SLC44A5: variants seen among roughly 807,000 people sequenced by gnomAD.
The protein encoded by SLC44A5 is choline transporter-like protein 5.
SLC44A5 carries 57 observed loss-of-function variants against 101.8 expected under a neutral mutation model. That is an observed-to-expected ratio of 0.56 (90% CI 0.45 to 0.70). The LOEUF (loss-of-function observed/expected upper bound fraction) is 0.70. Ranked by LOEUF, SLC44A5 falls within the 30% of genes least tolerant of loss-of-function variation. The pLI is 0.00. For synonymous variants in SLC44A5, 281 were observed against 290.9 expected, an observed-to-expected ratio of 0.97 and a Z score of 0.35; for missense variants, 737 against 853.1, an observed-to-expected ratio of 0.86 and a Z score of 1.70.
the SLC44A5 span, among the ~76,000 whole-genome samples, chr1:75,673,314 C>A: frequency 6.6e-6 from 1 of 151,406 alleles, no homozygotes; most frequent in Admixed American, 6.6e-5. Flanking sequence ...GGTGTGATGA[C>A]CACAAGGAAA....
chr1:75,370,410 C>T (rs1445009629), intron 3 of SLC44A5, among the ~76,000 whole-genome samples: 2 of 152,176 alleles, frequency 1.3e-5, no homozygotes, highest in African/African-American at 4.8e-5. Flanking sequence ...CCTTGGGTAG[C>T]ATAGTGATCA....
the SLC44A5 span, among the ~76,000 whole-genome samples, chr1:75,670,024 C>T: frequency 1.3e-5 from 2 of 152,128 alleles, no homozygotes; most frequent in African/African-American, 4.8e-5. Flanking sequence ...TAGAATTAGA[C>T]ATAATCCCCA....
intron 2 of SLC44A5, among the ~76,000 whole-genome samples, chr1:75,398,048 C>T (rs1049112444): frequency 7.9e-5 from 12 of 152,124 alleles, no homozygotes; most frequent in African/African-American, 2.4e-4. Context: ...ATAGTATGTA[C>T]GTGCAAGGAT....
chr1:75,450,355 C>T (rs1665834680), intron 2 of SLC44A5, among the ~76,000 whole-genome samples: 1 of 152,206 alleles, frequency 6.6e-6, no homozygotes, highest in Non-Finnish European at 1.5e-5. Flanking sequence ...TTTTCCCAGA[C>T]CCAGGGTTGA....
chr1:75,241,534 G>A (rs904039837), intron 9 of SLC44A5, among the ~76,000 whole-genome samples: 44 of 151,882 alleles, frequency 2.9e-4, no homozygotes, highest in Non-Finnish European at 5.4e-4. Context: ...TTTGTCCACA[G>A]TATACAGTTC....
intron 3 of SLC44A5, among the ~76,000 whole-genome samples, chr1:75,389,952 T>C (rs1163549592): frequency 6.6e-6 from 1 of 151,810 alleles, no homozygotes; most frequent in African/African-American, 2.4e-5. Flanking sequence ...AGAGAGACAA[T>C]TCAAATGAGC....
chr1:75,365,581 C>T (rs1023994722), intron 3 of SLC44A5, among the ~76,000 whole-genome samples: 9 of 152,094 alleles, frequency 5.9e-5, no homozygotes, highest in African/African-American at 9.7e-5. Flanking sequence ...TAAAGACACA[C>T]GTATATTTAT....
the SLC44A5 span, among the ~76,000 whole-genome samples, chr1:75,696,722 C>T: frequency 1.2e-3 from 184 of 150,308 alleles, no homozygotes; most frequent in Middle Eastern, 3.4e-3. Context: ...GGTGAAACCC[C>T]GTCTCTACTA....
chr1:75,494,170 G>A (rs1209740074), intron 2 of SLC44A5, among the ~76,000 whole-genome samples: 2 of 152,146 alleles, frequency 1.3e-5, no homozygotes, highest in African/African-American at 4.8e-5. Flanking sequence ...GCCATGTGGT[G>A]ACACAGCAGG....
intron 2 of SLC44A5, among the ~76,000 whole-genome samples, chr1:75,411,736 T>G (rs559319263): frequency 6.6e-6 from 1 of 151,980 alleles, no homozygotes; most frequent in East Asian, 1.9e-4. Context: ...AAAATATATA[T>G]AGGGACAGAT....
At chr1:75,203,973 A>G in intron 23 of SLC44A5, 140 bp from the exon 24 acceptor site, 2 of 1,061,846 alleles carry the variant, frequency 1.9e-6, no homozygotes, top group East Asian at 2.9e-5. Context: ...TAAACAGCAT[A>G]GTTTGGCATC....
chr1:75,716,937 G>A, the SLC44A5 span, among the ~76,000 whole-genome samples: 1 of 152,022 alleles, frequency 6.6e-6, no homozygotes, highest in Non-Finnish European at 1.5e-5. Context: ...GGGAGGCTGA[G>A]GCAGGAGAAT....
chr1:75,574,725 G>GTC (rs1300460397), intron 1 of SLC44A5, among the ~76,000 whole-genome samples: 1 of 152,046 alleles, frequency 6.6e-6, no homozygotes, highest in Non-Finnish European at 1.5e-5. Flanking sequence ...CCTCTCTTTG[G>GTC]TCCAGTCATT....
At chr1:75,577,669 G>A (rs1482643435) in intron 1 of SLC44A5, among the ~76,000 whole-genome samples, 1 of 152,082 alleles carries the variant, frequency 6.6e-6, no homozygotes, top group East Asian at 1.9e-4. Flanking sequence ...CACACTATAT[G>A]TTTTATTTAT....
rs1383611251 is a variant in SLC44A5 at position 75,378,991 on chromosome 1, T to C, written c.52+17592A>G. Among the ~76,000 whole-genome samples the C allele has an allele frequency of 1.0e-4, 8 of 79,798 alleles. 4 individuals are homozygous for C. Among genetic ancestry groups the C allele is most frequent in the African/African-American group, 5.2e-4 (6 of 11,512 alleles). 52.4% of individuals were successfully genotyped at this position (79,798 alleles called of 152,430 possible). A position where few individuals can be genotyped will look rare whatever the true frequency, so the allele number is the denominator to read the frequency against. ...CTAGTAGACAGGGTAGTGAATTACA[T>C]GAAATTATTGATAAATCAAGAAAGG... On this transcript the variant is annotated intron_variant, in intron 3 of 23. Transcript: ENST00000370859.
intron 2 of SLC44A5, among the ~76,000 whole-genome samples, chr1:75,433,935 T>C (rs1003217817): frequency 6.6e-6 from 1 of 152,030 alleles, no homozygotes; most frequent in Non-Finnish European, 1.5e-5. Context: ...GGGAAGCCCC[T>C]TATAAAACCA....
chr1:75,472,716 A>G (rs1250575012), intron 2 of SLC44A5, among the ~76,000 whole-genome samples: 1 of 152,242 alleles, frequency 6.6e-6, no homozygotes, highest in African/African-American at 2.4e-5. Context: ...TAGTCTCAAT[A>G]GAATTTTTAT....
At chr1:75,410,049 G>T (rs1478506465) in intron 2 of SLC44A5, among the ~76,000 whole-genome samples, 1 of 152,030 alleles carries the variant, frequency 6.6e-6, no homozygotes, top group African/African-American at 2.4e-5. Flanking sequence ...CAATAATTCA[G>T]ATATAATGTG....
intron 3 of SLC44A5, 148 bp from the exon 4 acceptor site, chr1:75,339,778 C>T (rs1657732716): frequency 1.7e-6 from 1 of 598,434 alleles, no homozygotes; most frequent in Admixed American, 3.2e-5. Context: ...ATAAGTATGT[C>T]TTGGTTACAG....
Sources: allele counts gnomAD v4.1 joint callset (sites outside exome capture counted in the v4.1 genomes callset), GRCh38; gene constraint gnomAD v4.1.1; transcripts MANE v1.5; gene names NCBI Gene and HGNC (gene_info 2026-07-23, HGNC 2026-07-21).